Variants in MKLN1 observed in about 807,000 individuals in gnomAD.
The protein encoded by MKLN1 is muskelin.
MKLN1 carries 18 observed loss-of-function variants against 99.0 expected under a neutral mutation model. The observed-to-expected ratio is 0.18, with a 90% confidence interval of 0.13 to 0.27. MKLN1 has a LOEUF of 0.27. Among genes scored for constraint, MKLN1 ranks in the 10% least tolerant of loss-of-function variants. MKLN1 has a pLI of 1.00. For missense variants in MKLN1, 621 were observed against 875.9 expected, an observed-to-expected ratio of 0.71 and a Z score of 3.67; for synonymous variants, 288 against 293.2, an observed-to-expected ratio of 0.98 and a Z score of 0.18.
At chr7:131,114,507 T>C (rs1795245452) in intron 1 of MKLN1, among the ~76,000 whole-genome samples, 1 of 151,936 alleles carries the variant, frequency 6.6e-6, no homozygotes, top group Non-Finnish European at 1.5e-5. Context: ...TGGAACCCTA[T>C]GAAAACCCTG....
chr7:131,474,572 A>G (rs943400860), intron 16 of MKLN1, among the ~76,000 whole-genome samples: 3 of 152,214 alleles, frequency 2.0e-5, no homozygotes, highest in Admixed American at 1.3e-4. Flanking sequence ...TCCTTATCCT[A>G]TATGTAGAGC....
intron 2 of MKLN1, among the ~76,000 whole-genome samples, chr7:131,190,347 GGCATTCCTT>G (rs942289669): frequency 5.3e-5 from 8 of 151,986 alleles, no homozygotes; most frequent in Middle Eastern, 3.4e-3. Flanking sequence ...GACCTACCTT[GGCATTCCTT>G]GATGTCTTAG....
At chr7:131,127,183 GAAAGA>G (rs1795477614) in intron 1 of MKLN1, among the ~76,000 whole-genome samples, 2 of 128,186 alleles carry the variant, frequency 1.6e-5, no homozygotes, top group African/African-American at 6.8e-5. Flanking sequence ...AAAAAAAAAA[GAAAGA>G]AAAGAATAGA....
intron 4 of MKLN1, among the ~76,000 whole-genome samples, chr7:131,391,316 C>T (rs1250183471): frequency 1.3e-5 from 2 of 152,108 alleles, no homozygotes; most frequent in East Asian, 3.8e-4. Flanking sequence ...AAAGATCTTG[C>T]TTTATTTAAA....
chr7:131,300,519 T>A (rs1358190217), intron 3 of MKLN1, among the ~76,000 whole-genome samples: 2 of 139,030 alleles, frequency 1.4e-5, no homozygotes, highest in South Asian at 2.4e-4. Context: ...TGTCTCTAGT[T>A]AAAAAAAAAA....
intron 3 of MKLN1, among the ~76,000 whole-genome samples, chr7:131,230,556 G>T (rs543997434): frequency 1.3e-5 from 2 of 152,302 alleles, no homozygotes; most frequent in South Asian, 2.1e-4. Context: ...TTCTGGGAAG[G>T]CTTCTAAGAT....
In MKLN1 at chr7:131,469,200, A is replaced by AGATG. The variant is rs564391297; in HGVS notation, c.1929-1620_1929-1617dup. Among the ~76,000 whole-genome samples the AGATG allele has an allele frequency of 1.0e-3, 152 of 152,166 alleles. 5 individuals are homozygous for AGATG. In the East Asian group the frequency reaches 0.017, roughly 17 times the overall value. ...TAGATAGATAGAGGCATAGAAAGAT[A>AGATG]GATGGATGGATGGATGGATGGATGG... On this transcript the variant is annotated intron_variant, in intron 15 of 17. Coordinates refer to ENST00000352689, the MANE Select transcript of MKLN1 (RefSeq NM_013255.5).
intron 3 of MKLN1, among the ~76,000 whole-genome samples, chr7:131,212,137 C>T (rs1472369816): frequency 1.3e-5 from 2 of 152,214 alleles, no homozygotes; most frequent in Non-Finnish European, 2.9e-5. Context: ...GCTGCTGGCT[C>T]CTACTGCAGA....
At chr7:131,403,973 G>A (rs1030742615) in intron 6 of MKLN1, among the ~76,000 whole-genome samples, 2 of 152,124 alleles carry the variant, frequency 1.3e-5, no homozygotes, top group African/African-American at 4.8e-5. Flanking sequence ...GTCAAGCAAA[G>A]CATTATAAAG....
intron 3 of MKLN1, among the ~76,000 whole-genome samples, chr7:131,252,520 G>A (rs1017630035): frequency 4.0e-5 from 6 of 151,756 alleles, no homozygotes; most frequent in African/African-American, 7.3e-5. Context: ...TAGTAGAGAC[G>A]GGGTTCCATC....
At chr7:131,357,820 T>C (rs1799926850) in intron 1 of MKLN1, among the ~76,000 whole-genome samples, 1 of 152,168 alleles carries the variant, frequency 6.6e-6, no homozygotes, top group East Asian at 1.9e-4. Context: ...TCCATAGAAC[T>C]GTTGTTCCTT....
intron 2 of MKLN1, among the ~76,000 whole-genome samples, chr7:131,380,142 A>G (rs1793799917): frequency 1.3e-5 from 2 of 152,220 alleles, no homozygotes; most frequent in Non-Finnish European, 2.9e-5. Context: ...AGTGAAGTCC[A>G]GTTTCATATC....
intron 1 of MKLN1, among the ~76,000 whole-genome samples, chr7:131,342,254 A>G (rs918042484): frequency 1.3e-5 from 2 of 152,124 alleles, no homozygotes; most frequent in African/African-American, 4.8e-5. Context: ...ATTAGATCGC[A>G]AATTGCTTGA....
At chr7:131,384,963 A>C (rs1405306093) in intron 2 of MKLN1, among the ~76,000 whole-genome samples, 2 of 152,256 alleles carry the variant, frequency 1.3e-5, no homozygotes, top group Non-Finnish European at 2.9e-5. Context: ...GAATTGAGCA[A>C]CTATCACCTC....
chr7:131,333,444 TATTAGAC>T (rs1459293022), intron 1 of MKLN1, among the ~76,000 whole-genome samples: 2 of 152,246 alleles, frequency 1.3e-5, no homozygotes, highest in African/African-American at 2.4e-5. Context: ...GGTCCCGTGT[TATTAGAC>T]ATTTAGGCTT....
intron 1 of MKLN1, among the ~76,000 whole-genome samples, chr7:131,370,837 G>A (rs1190739960): frequency 6.6e-6 from 1 of 152,072 alleles, no homozygotes; most frequent in African/African-American, 2.4e-5. Context: ...TTCTGCTAGG[G>A]CCAAGCTTTT....
chr7:131,474,681 A>G (rs766654512), intron 16 of MKLN1, among the ~76,000 whole-genome samples: 10 of 152,234 alleles, frequency 6.6e-5, no homozygotes, highest in African/African-American at 9.6e-5. Context: ...GAAACAAACA[A>G]TGGAGAAATT....
At chr7:131,272,939 G>A (rs934834444) in intron 3 of MKLN1, among the ~76,000 whole-genome samples, 2 of 152,094 alleles carry the variant, frequency 1.3e-5, no homozygotes, top group African/African-American at 4.8e-5. Flanking sequence ...TATCAAGCAG[G>A]GTCTCTGCAA....
chr7:131,137,112 CA>C (rs1426691768), intron 1 of MKLN1, among the ~76,000 whole-genome samples: 2 of 152,130 alleles, frequency 1.3e-5, no homozygotes, highest in Non-Finnish European at 2.9e-5. Context: ...CTCGGCCTTC[CA>C]AAATGCAGGG....
Sources: allele counts gnomAD v4.1 joint callset (sites outside exome capture counted in the v4.1 genomes callset), GRCh38; gene constraint gnomAD v4.1.1; transcripts MANE v1.5; gene names NCBI Gene and HGNC (gene_info 2026-07-23, HGNC 2026-07-21).